The following ESR2 variants were observed in gnomAD, a reference collection of about 807,000 sequenced individuals.
ESR2 encodes estrogen receptor beta.
ESR2 carries 36 observed loss-of-function variants against 49.6 expected under a neutral mutation model. That is an observed-to-expected ratio of 0.73 (90% CI 0.56 to 0.96). ESR2 has a LOEUF of 0.96. Among genes scored for constraint, ESR2 ranks in the 40% least tolerant of loss-of-function variants. The pLI is 0.00. For synonymous variants in ESR2, 320 were observed against 266.1 expected, an observed-to-expected ratio of 1.20 and a Z score of -1.97; for missense variants, 714 against 693.0, an observed-to-expected ratio of 1.03 and a Z score of -0.34.
At chr14:64,246,648 C>T (rs560979388) in intron 7 of ESR2, among the ~76,000 whole-genome samples, 1 of 142,064 alleles carries the variant, frequency 7.0e-6, no homozygotes, top group South Asian at 2.2e-4. Context: ...TTGAGAATCA[C>T]TTGAACCTGG....
chr14:64,310,286 A>AAAAAAAAAAAAAAAAAATAATAAT (rs1555595498), intron 1 of ESR2, among the ~76,000 whole-genome samples: 52 of 142,438 alleles, frequency 3.7e-4, no homozygotes, highest in African/African-American at 1.3e-3. Flanking sequence ...TCGTCTCAAA[A>AAAAAAAAAAAAAAAAAATAATAAT]AATAATAATA....
At chr14:64,251,306 G>GC (rs2075983240) in intron 6 of ESR2, among the ~76,000 whole-genome samples, 1 of 90,648 alleles carries the variant, frequency 1.1e-5, no homozygotes, top group African/African-American at 5.8e-5. Flanking sequence ...TCTCTATGGG[G>GC]CAAAAAAAAA....
At chr14:64,249,765 A>C in intron 6 of ESR2, 86 bp from the exon 7 acceptor site, 1,513 of 1,343,604 alleles carry the variant, frequency 1.1e-3, no homozygotes, top group Non-Finnish European at 1.4e-3. Flanking sequence ...TTTTAATCTC[A>C]AGTTTCATCT....
At chr14:64,310,790 C>A (rs940401712) in intron 1 of ESR2, among the ~76,000 whole-genome samples, 1 of 152,118 alleles carries the variant, frequency 6.6e-6, no homozygotes, top group Admixed American at 6.6e-5. Context: ...ACAGTACTTT[C>A]CTTTGCTTTA....
chr14:64,304,795 G>A (rs2077068464), intron 1 of ESR2, among the ~76,000 whole-genome samples: 1 of 152,032 alleles, frequency 6.6e-6, no homozygotes, highest in Non-Finnish European at 1.5e-5. Flanking sequence ...AGGATGGCTT[G>A]AGCCCAGGAG....
upstream of ESR2, among the ~76,000 whole-genome samples, chr14:64,296,940 TA>T (rs1436497457): frequency 6.6e-6 from 1 of 152,152 alleles, no homozygotes; most frequent in Non-Finnish European, 1.5e-5. Flanking sequence ...AGAGGATGAT[TA>T]TTCCAATTCT....
chr14:64,272,570 T>G (rs542775956), intron 3 of ESR2, among the ~76,000 whole-genome samples: 1 of 152,360 alleles, frequency 6.6e-6, no homozygotes, highest in South Asian at 2.1e-4. Flanking sequence ...ACTTGATTTT[T>G]GTATATGGTG....
rs1376718938 is a variant in ESR2 at position 64,283,007 on chromosome 14, A to C, written c.-22T>G. 14 of 1,594,252 alleles carry C rather than the reference A, an allele frequency of 8.8e-6. No homozygotes were observed. The highest frequency in any genetic ancestry group is 1.2e-5 in the Non-Finnish European group (14 of 1,169,238). ...CCATGTCTTGAGATAACAGCTGAGA[A>C]AACACCTTGCAAGAAGAGGCACAAA... On this transcript the variant is annotated 5_prime_UTR_variant, in exon 2 of 9. Transcript: ENST00000341099.
chr14:64,255,031 T>A (rs1242245314), intron 6 of ESR2, among the ~76,000 whole-genome samples: 1 of 152,130 alleles, frequency 6.6e-6, no homozygotes, highest in Non-Finnish European at 1.5e-5. Context: ...CTAATATTTT[T>A]CCAGGATTTG....
At chr14:64,320,088 T>C (rs947974591) in intron 1 of ESR2, among the ~76,000 whole-genome samples, 5 of 151,260 alleles carry the variant, frequency 3.3e-5, no homozygotes, top group African/African-American at 9.7e-5. Context: ...CAACAGAATA[T>C]TATTTGCAAA....
chr14:64,322,025 C>G, intron 1 of ESR2, among the ~76,000 whole-genome samples: 1 of 151,988 alleles, frequency 6.6e-6, no homozygotes, highest in East Asian at 1.9e-4. Flanking sequence ...CAAACCTGCA[C>G]ATGTACCCCT....
At chr14:64,227,237 G>C (rs1301396538), downstream of ESR2, 1 of 421,734 alleles carries the variant, frequency 2.4e-6, no homozygotes, top group Non-Finnish European at 4.2e-6. Context: ...AAGCTCATCA[G>C]TAGATGAAGC....
intron 1 of ESR2, among the ~76,000 whole-genome samples, chr14:64,305,486 C>A (rs761865103): frequency 2.0e-5 from 3 of 150,740 alleles, no homozygotes; most frequent in Admixed American, 1.3e-4. Flanking sequence ...CTGGCTAACA[C>A]AGTGAAACCC....
In ESR2 at chr14:64,327,588, C is replaced by T. The variant is rs1037676822; in HGVS notation, c.-91+10310G>A. On this transcript the variant is annotated intron_variant, in intron 1 of 8. Transcript: ENST00000358599. The stretch of plus-strand genomic sequence containing the variant: ...ACGGGCTCCTGTAATCCCAGCTACT[C>T]GGGAGACTGAGGCAGGAGAATTGCT... Among the ~76,000 whole-genome samples, 8 of 151,994 alleles carry T rather than the reference C, an allele frequency of 5.3e-5. No homozygotes were observed. In the East Asian group the frequency reaches 5.8e-4, roughly 11 times the overall value.
intron 1 of ESR2, among the ~76,000 whole-genome samples, chr14:64,333,257 A>G (rs1170723371): frequency 6.6e-6 from 1 of 152,192 alleles, no homozygotes; most frequent in Non-Finnish European, 1.5e-5. Flanking sequence ...TTTCAAAAAT[A>G]AACTAGAATT....
chr14:64,274,596 C>T (rs905431852), intron 3 of ESR2, among the ~76,000 whole-genome samples: 26 of 151,912 alleles, frequency 1.7e-4, no homozygotes, highest in African/African-American at 6.0e-4. Flanking sequence ...GTTTCAATTT[C>T]ATTTATTTCT....
chr14:64,276,164 A>G (rs1400105635), intron 3 of ESR2, among the ~76,000 whole-genome samples: 2 of 152,308 alleles, frequency 1.3e-5, no homozygotes, highest in East Asian at 3.9e-4. Flanking sequence ...GTAATATTTG[A>G]CTATTTAAAG....
intron 6 of ESR2, among the ~76,000 whole-genome samples, chr14:64,255,355 G>A (rs1174862249): frequency 1.3e-5 from 2 of 151,964 alleles, no homozygotes; most frequent in Non-Finnish European, 2.9e-5. Context: ...TGAGAGCAAT[G>A]GCTTGGCTAG....
chr14:64,321,901 G>T (rs971073448), intron 1 of ESR2, among the ~76,000 whole-genome samples: 1 of 152,064 alleles, frequency 6.6e-6, no homozygotes, highest in African/African-American at 2.4e-5. Flanking sequence ...AGACACTGGG[G>T]ACTACCAGAC....
Sources: gnomAD v4.1 joint callset for allele counts (sites outside exome capture counted in the v4.1 genomes callset) on GRCh38, gnomAD v4.1.1 for gene constraint, MANE v1.5 for transcripts, NCBI Gene and HGNC (gene_info 2026-07-23, HGNC 2026-07-21) for gene names.